OR51B5: variants seen among roughly 807,000 people sequenced by gnomAD.
The protein encoded by OR51B5 is olfactory receptor family 51 subfamily B member 5.
For synonymous variants in OR51B5, 186 were observed against 144.8 expected (o/e 1.28, Z -2.04); for missense variants, 456 against 374.6 (o/e 1.22, Z -1.79).
chr11:5,373,845 C>A (rs7125477), intron 1 of OR51B5, among the ~76,000 whole-genome samples: 2 of 151,584 alleles, frequency 1.3e-5, no homozygotes, highest in Admixed American at 6.6e-5. Context: ...ACTGGGTGGA[C>A]CCCACCACAG....
intron 1 of OR51B5, among the ~76,000 whole-genome samples, chr11:5,448,470 G>T (rs1022186943): frequency 6.6e-6 from 1 of 152,178 alleles, no homozygotes; most frequent in Non-Finnish European, 1.5e-5. Flanking sequence ...GAGAGAGATG[G>T]CACGGTGTTG....
downstream of OR51B5, chr11:5,340,842 C>T (rs924519259): frequency 6.6e-6 from 1 of 152,096 alleles, no homozygotes; most frequent in African/African-American, 2.4e-5. Context: ...ATCTACCCCA[C>T]AATATTTTTA....
At chr11:5,490,847 T>C (rs1471957774) in intron 1 of OR51B5, among the ~76,000 whole-genome samples, 3 of 152,198 alleles carry the variant, frequency 2.0e-5, no homozygotes, top group South Asian at 4.1e-4. Context: ...TTTATTATAA[T>C]CTCAGGAACA....
intron 1 of OR51B5, among the ~76,000 whole-genome samples, chr11:5,418,859 C>G (rs1199164843): frequency 1.5e-5 from 2 of 130,680 alleles, no homozygotes; most frequent in African/African-American, 5.7e-5. Flanking sequence ...CACATGTACC[C>G]CAGAACTTGA....
chr11:5,366,747 C>G (rs1849375968), intron 1 of OR51B5, among the ~76,000 whole-genome samples: 1 of 151,862 alleles, frequency 6.6e-6, no homozygotes, highest in South Asian at 2.1e-4. Context: ...GGAAGGAAAT[C>G]AGGGTATTCA....
intron 1 of OR51B5, chr11:5,440,554 G>T: frequency 6.3e-6 from 10 of 1,590,948 alleles, no homozygotes; most frequent in Non-Finnish European, 8.6e-6. Flanking sequence ...GGAGCTTTTG[G>T]GGCCTTCAGC....
At chr11:5,357,808 A>C (rs976704550) in intron 1 of OR51B5, among the ~76,000 whole-genome samples, 1 of 151,504 alleles carries the variant, frequency 6.6e-6, no homozygotes, top group African/African-American at 2.4e-5. Flanking sequence ...ACCACAGTGC[A>C]ATCAAACTAG....
At chr11:5,345,151 A>G (rs1848971355), upstream of OR51B5, among the ~76,000 whole-genome samples, 1 of 152,184 alleles carries the variant, frequency 6.6e-6, no homozygotes, top group Non-Finnish European at 1.5e-5. Context: ...TTTTCTTCTT[A>G]CTATAAATGT....
chr11:5,502,645 T>C (rs1264682138), intron 1 of OR51B5, among the ~76,000 whole-genome samples: 2 of 152,344 alleles, frequency 1.3e-5, no homozygotes, highest in East Asian at 3.9e-4. Flanking sequence ...AAATTCCAAC[T>C]CCAGCTCAAC....
intron 1 of OR51B5, among the ~76,000 whole-genome samples, chr11:5,398,757 C>G (rs1849921395): frequency 6.6e-6 from 1 of 152,140 alleles, no homozygotes; most frequent in Admixed American, 6.6e-5. Context: ...GCAGTTTTCC[C>G]TCTTCTTGCT....
At chr11:5,375,018 A>G (rs1311602037) in intron 1 of OR51B5, among the ~76,000 whole-genome samples, 1 of 151,640 alleles carries the variant, frequency 6.6e-6, no homozygotes, top group Non-Finnish European at 1.5e-5. Context: ...AGCAACTCCA[A>G]GACACATAAT....
At chr11:5,390,704 G>A (rs2736530) in intron 1 of OR51B5, 90,328 of 221,424 alleles carry the variant, frequency 0.41, 19,026 homozygotes, top group Non-Finnish European at 0.44. Context: ...AAATACCAGA[G>A]CACCCAGAGG....
chr11:5,342,510 G>T (rs34830940), downstream of OR51B5: 162 of 1,495,346 alleles, frequency 1.1e-4, no homozygotes, highest in Admixed American at 2.9e-4. Context: ...ATGCATGCTA[G>T]ATATGAGACT....
At chr11:5,392,232 A>T (rs768645379) in intron 1 of OR51B5, 1 of 152,252 alleles carries the variant, frequency 6.6e-6, no homozygotes, top group Non-Finnish European at 1.5e-5. Flanking sequence ...TCTGGAACCC[A>T]GCAGTTTCTG....
At chr11:5,447,881 C>T (rs1411393394) in intron 1 of OR51B5, among the ~76,000 whole-genome samples, 1 of 152,110 alleles carries the variant, frequency 6.6e-6, no homozygotes, top group African/African-American at 2.4e-5. Context: ...CAGAATTAGC[C>T]AGATAAGTCT....
At chr11:5,441,543 C>T (rs1850690357) in intron 1 of OR51B5, 2 of 1,542,464 alleles carry the variant, frequency 1.3e-6, no homozygotes, top group African/African-American at 2.7e-5. Flanking sequence ...GGGAATGGAC[C>T]CAAGAGGGTG....
intron 1 of OR51B5, among the ~76,000 whole-genome samples, chr11:5,456,692 A>C (rs1172536209): frequency 6.6e-6 from 1 of 152,140 alleles, no homozygotes; most frequent in Non-Finnish European, 1.5e-5. Flanking sequence ...GGTTTGGTGG[A>C]CAAATTATTT....
intron 1 of OR51B5, among the ~76,000 whole-genome samples, chr11:5,366,848 G>A (rs751171042): frequency 1.2e-4 from 18 of 152,196 alleles, no homozygotes; most frequent in Non-Finnish European, 2.2e-4. Flanking sequence ...ACGGGTCTCT[G>A]TGCAATGCAG....
rs747751616 is a variant in OR51B5 at position 5,489,071 on chromosome 11, C to T, written n.84+16498G>A. 6 of 1,614,018 alleles carry T rather than the reference C, an allele frequency of 3.7e-6. No individual in the cohort carries two copies. The Admixed American group carries it at 1.0e-4, about 27-fold the overall frequency. On this transcript the variant is annotated intron_variant and non_coding_transcript_variant, in intron 1 of 4. Transcript: ENST00000415970. Reference sequence around the variant, plus strand: ...GAGTCCTCAATTCTACTTGCCATGGCCTTTGATAGGTATGTGGCTATCTGT... The same window carrying T: ...GAGTCCTCAATTCTACTTGCCATGGTCTTTGATAGGTATGTGGCTATCTGT...
Sources: gnomAD v4.1 joint callset for allele counts (sites outside exome capture counted in the v4.1 genomes callset) on GRCh38, gnomAD v4.1.1 for gene constraint, MANE v1.5 for transcripts, NCBI Gene and HGNC (gene_info 2026-07-23, HGNC 2026-07-21) for gene names.